TRPM3: variants seen among roughly 807,000 people sequenced by gnomAD.
TRPM3 encodes long transient receptor potential channel 3.
TRPM3 carries 77 observed loss-of-function variants against 181.2 expected under a neutral mutation model. The ratio of observed to expected loss-of-function variants is 0.42; its 90% confidence interval spans 0.35 to 0.51. The LOEUF (loss-of-function observed/expected upper bound fraction) is 0.51. Among genes scored for constraint, TRPM3 ranks in the 20% least tolerant of loss-of-function variants. The probability of loss-of-function intolerance (pLI) is 0.01; values close to 1 mark genes in which losing one functional copy is unlikely to be tolerated. For synonymous variants in TRPM3, 745 were observed against 796.4 expected, an observed-to-expected ratio of 0.94 and a Z score of 1.09; for missense variants, 1,759 against 2,196.7, an observed-to-expected ratio of 0.80 and a Z score of 3.98.
intron 6 of TRPM3, among the ~76,000 whole-genome samples, chr9:70,800,259 G>T (rs1406534202): frequency 6.6e-6 from 1 of 152,208 alleles, no homozygotes; most frequent in Non-Finnish European, 1.5e-5. Flanking sequence ...TGTAGTGGAT[G>T]ATTTAATGTA....
At chr9:70,741,769 G>A (rs2074146315) in intron 8 of TRPM3, among the ~76,000 whole-genome samples, 1 of 152,150 alleles carries the variant, frequency 6.6e-6, no homozygotes, top group South Asian at 2.1e-4. Context: ...TGGGAGCTAA[G>A]CTGTGAGGAT....
chr9:70,565,014 GC>G (rs1189682771), intron 22 of TRPM3, among the ~76,000 whole-genome samples: 1 of 152,180 alleles, frequency 6.6e-6, no homozygotes, highest in Admixed American at 6.6e-5. Flanking sequence ...TAAAACTTGA[GC>G]TTTTCACGCT....
chr9:70,962,746 GTC>G (rs567647979), intron 1 of TRPM3, among the ~76,000 whole-genome samples: 2 of 151,346 alleles, frequency 1.3e-5, no homozygotes, highest in African/African-American at 2.4e-5. Context: ...TATGAATGTG[GTC>G]TCTCTCTCTC....
chr9:70,772,200 T>TTG (rs2080419188), intron 7 of TRPM3, among the ~76,000 whole-genome samples: 1 of 152,160 alleles, frequency 6.6e-6, no homozygotes, highest in African/African-American at 2.4e-5. Flanking sequence ...GCTATTTAAT[T>TTG]ATAATACAAT....
intron 1 of TRPM3, among the ~76,000 whole-genome samples, chr9:70,998,097 C>T (rs1307541996): frequency 1.3e-5 from 2 of 149,694 alleles, no homozygotes; most frequent in African/African-American, 2.4e-5. Context: ...TCTTTATACA[C>T]ACCATATATA....
intron 1 of TRPM3, among the ~76,000 whole-genome samples, chr9:71,208,201 G>T (rs1310507777): frequency 6.6e-6 from 1 of 152,062 alleles, no homozygotes; most frequent in African/African-American, 2.4e-5. Context: ...TTTTTATCTA[G>T]CATACCTGCC....
chr9:70,562,977 CACTAA>C (rs2049516636), intron 22 of TRPM3, among the ~76,000 whole-genome samples: 1 of 152,210 alleles, frequency 6.6e-6, no homozygotes, highest in South Asian at 2.1e-4. Flanking sequence ...GAGTTTCTAT[CACTAA>C]ACAGGTGGGA....
In TRPM3 at chr9:71,094,859, G is replaced by A. The variant is rs553772641; in HGVS notation, c.177+26319C>T. On this transcript the variant is annotated intron_variant, in intron 1 of 25. Transcript: ENST00000677713. ...AAAAAATCCATCCTCTATGATCACAGAATACACACACTCGACTCGGCAATA... is the reference window on the plus strand; with the variant it reads ...AAAAAATCCATCCTCTATGATCACAAAATACACACACTCGACTCGGCAATA... Among the ~76,000 whole-genome samples, 5 of 152,218 alleles carry A rather than the reference G, an allele frequency of 3.3e-5. No homozygotes were observed. The East Asian group carries it at 9.7e-4, about 29-fold the overall frequency.
intron 1 of TRPM3, among the ~76,000 whole-genome samples, chr9:71,228,502 G>T (rs559069850): frequency 6.6e-6 from 1 of 152,070 alleles, no homozygotes; most frequent in Non-Finnish European, 1.5e-5. Context: ...AAGAAATAAA[G>T]GGTATCCAAA....
At chr9:71,278,619 T>G (rs908342009) in intron 1 of TRPM3, among the ~76,000 whole-genome samples, 3 of 152,192 alleles carry the variant, frequency 2.0e-5, no homozygotes, top group African/African-American at 7.2e-5. Context: ...TCTCTAGATA[T>G]GACATCAAAG....
chr9:71,300,136 A>T (rs2086641508), intron 1 of TRPM3, among the ~76,000 whole-genome samples: 1 of 152,170 alleles, frequency 6.6e-6, no homozygotes, highest in Admixed American at 6.6e-5. Context: ...TAAAGATAAA[A>T]GGATGTCTAT....
intron 1 of TRPM3, among the ~76,000 whole-genome samples, chr9:71,000,164 T>A (rs1208166301): frequency 1.3e-5 from 2 of 152,180 alleles, no homozygotes; most frequent in South Asian, 2.1e-4. Context: ...TGGGAACAAG[T>A]AAACAGTTTG....
chr9:71,189,260 T>A (rs2077866126), intron 1 of TRPM3, among the ~76,000 whole-genome samples: 1 of 151,918 alleles, frequency 6.6e-6, no homozygotes, highest in Non-Finnish European at 1.5e-5. Context: ...TTCACTATGC[T>A]TTAGGAGTAG....
At chr9:71,116,288 G>A (rs1467010962) in intron 1 of TRPM3, among the ~76,000 whole-genome samples, 1 of 152,078 alleles carries the variant, frequency 6.6e-6, no homozygotes, top group Non-Finnish European at 1.5e-5. Context: ...CCCTGTCCAG[G>A]CTAAGCAAAG....
In TRPM3 at chr9:71,275,752, A is replaced by C. The variant is rs2084156532; in HGVS notation, c.183+170901T>G. 3.3e-5 allele frequency among the ~76,000 whole-genome samples: 5 copies of C among 152,230 alleles called. No individual in the cohort carries two copies. In the South Asian group the frequency reaches 1.0e-3, roughly 32 times the overall value. ...TGAGGCAAAGCCCTAGTTGTTTGTT[A>C]GAACAAAATAGAGAGCCCCAAAATA... On this transcript the variant is annotated intron_variant, in intron 1 of 24. Transcript: ENST00000357533.
intron 7 of TRPM3, among the ~76,000 whole-genome samples, chr9:70,763,209 T>C (rs1219613804): frequency 6.6e-6 from 1 of 152,090 alleles, no homozygotes; most frequent in African/African-American, 2.4e-5. Flanking sequence ...ATATTCTATA[T>C]CAAGAATATA....
intron 1 of TRPM3, among the ~76,000 whole-genome samples, chr9:71,356,367 T>C (rs1000560448): frequency 1.3e-5 from 2 of 152,088 alleles, no homozygotes; most frequent in Non-Finnish European, 2.9e-5. Context: ...TTTCCCTGTA[T>C]GCATCCAGGT....
chr9:70,679,631 C>T (rs1819292372), intron 9 of TRPM3, among the ~76,000 whole-genome samples: 1 of 152,144 alleles, frequency 6.6e-6, no homozygotes, highest in South Asian at 2.1e-4. Context: ...TAATGGTCAA[C>T]TTATCTTGAG....
chr9:71,320,703 T>C (rs1168569291), intron 1 of TRPM3, among the ~76,000 whole-genome samples: 2 of 152,172 alleles, frequency 1.3e-5, no homozygotes, highest in African/African-American at 2.4e-5. Context: ...TTGCCACTTA[T>C]ACATGGTGAC....
Sources: allele counts gnomAD v4.1 joint callset (sites outside exome capture counted in the v4.1 genomes callset), GRCh38; gene constraint gnomAD v4.1.1; transcripts MANE v1.5; gene names NCBI Gene and HGNC (gene_info 2026-07-23, HGNC 2026-07-21).